Variants in IQSEC1 observed in about 807,000 individuals in gnomAD.
IQSEC1 encodes the protein IQ motif and Sec7 domain ArfGEF 1.
A neutral mutation model predicts 91.0 loss-of-function variants in IQSEC1; 31 were observed. The observed-to-expected ratio is 0.34, with a 90% CI of 0.26 to 0.46. The LOEUF is 0.46. IQSEC1 is among the 20% of genes least tolerant of loss of function. The pLI is 1.00. For synonymous variants in IQSEC1, 699 were observed against 662.6 expected (o/e 1.05, Z -0.84); for missense variants, 1,388 against 1,575.6 (o/e 0.88, Z 2.02).
At chr3:12,949,929 C>T (rs1262466662) in intron 1 of IQSEC1, among the ~76,000 whole-genome samples, 2 of 152,154 alleles carry the variant, frequency 1.3e-5, no homozygotes, top group South Asian at 2.1e-4. Context: ...CAGTTTTGAA[C>T]AGTTCAGCAA....
intron 1 of IQSEC1, among the ~76,000 whole-genome samples, chr3:13,223,961 GGAGCCAGGCTCT>G (rs1455400776): frequency 2.0e-5 from 3 of 152,110 alleles, no homozygotes; most frequent in Non-Finnish European, 4.4e-5. Context: ...GCAGTGCCTC[GGAGCCAGGCTCT>G]GAGCCAGGGG....
At chr3:13,115,055 G>C (rs943866682) in intron 2 of IQSEC1, among the ~76,000 whole-genome samples, 1 of 152,174 alleles carries the variant, frequency 6.6e-6, no homozygotes, top group African/African-American at 2.4e-5. Context: ...GTGGGGGCTG[G>C]AAGCTCAGGT....
rs1423133848 is a variant in IQSEC1, at chr3:13,211,249, G to T, written c.273-47116C>A. Among the ~76,000 whole-genome samples the T allele has an allele frequency of 6.6e-6, 1 of 152,168 alleles. No individual in the cohort carries two copies. Among genetic ancestry groups the T allele is most frequent in the Non-Finnish European group, 1.5e-5 (1 of 68,022 alleles). On this transcript the variant is annotated intron_variant, in intron 1 of 15. Transcript: ENST00000648114. The surrounding 1 kb of genome is among the most constrained non-coding windows in gnomAD (Gnocchi z 5.3). ...CTGCTTTCACACCTGTGATGACGGG[G>T]GTCTCACCACCTCCTCGACAGCAAT...
chr3:13,060,613 C>T (rs966330242), intron 1 of IQSEC1, among the ~76,000 whole-genome samples: 4 of 152,204 alleles, frequency 2.6e-5, no homozygotes, highest in South Asian at 2.1e-4. Context: ...GGCTGGATGA[C>T]GGGCCTAGGG....
chr3:13,194,248 G>A (rs547889519), intron 1 of IQSEC1, among the ~76,000 whole-genome samples: 12 of 152,310 alleles, frequency 7.9e-5, no homozygotes, highest in Admixed American at 3.3e-4. Flanking sequence ...GTTGGAATGA[G>A]TCAGTGGGGG....
intron 1 of IQSEC1, among the ~76,000 whole-genome samples, chr3:13,164,875 G>C (rs1207455375): frequency 6.6e-6 from 1 of 152,210 alleles, no homozygotes; most frequent in Non-Finnish European, 1.5e-5. Flanking sequence ...TCTAATCCCT[G>C]GATGTCCCAA....
intron 6 of IQSEC1, among the ~76,000 whole-genome samples, chr3:12,916,298 T>C (rs1696086205): frequency 1.3e-5 from 2 of 152,200 alleles, no homozygotes; most frequent in African/African-American, 2.4e-5. Flanking sequence ...GCTCTGCATC[T>C]GAGCGGTGGG....
chr3:12,953,876 G>A (rs968522891), intron 1 of IQSEC1, among the ~76,000 whole-genome samples: 1 of 152,190 alleles, frequency 6.6e-6, no homozygotes, highest in Admixed American at 6.5e-5. Flanking sequence ...GGGCAAGGCC[G>A]CCCCTTCACA....
intron 1 of IQSEC1, among the ~76,000 whole-genome samples, chr3:13,215,262 C>G (rs1212815417): frequency 1.3e-5 from 2 of 151,720 alleles, no homozygotes; most frequent in Non-Finnish European, 2.9e-5. Context: ...GACCAGAGGC[C>G]TTGCCCAGAG....
At chr3:13,034,186 C>T (rs750571752) in intron 1 of IQSEC1, among the ~76,000 whole-genome samples, 32 of 152,166 alleles carry the variant, frequency 2.1e-4, no homozygotes, top group Admixed American at 1.4e-3. Context: ...CTTGCAACCA[C>T]TCAGGCCCAG....
At chr3:13,131,036 GA>G (rs374372422) in intron 2 of IQSEC1, among the ~76,000 whole-genome samples, 138 of 78,620 alleles carry the variant, frequency 1.8e-3, no homozygotes, top group African/African-American at 0.011. Flanking sequence ...AGGAAGGAAG[GA>G]AAGGAAGGAA....
chr3:13,007,994 T>C (rs1403057669), intron 1 of IQSEC1, among the ~76,000 whole-genome samples: 9 of 152,198 alleles, frequency 5.9e-5, no homozygotes, highest in African/African-American at 2.2e-4. Context: ...TCTGACCTTC[T>C]AAGCCTGCAC....
At chr3:13,131,771 A>T (rs1344814085) in intron 2 of IQSEC1, among the ~76,000 whole-genome samples, 1 of 152,126 alleles carries the variant, frequency 6.6e-6, no homozygotes, top group Non-Finnish European at 1.5e-5. Flanking sequence ...ATAGGTGTGC[A>T]CTGCAGCCAG....
chr3:13,128,922 G>C (rs571361849), intron 2 of IQSEC1, among the ~76,000 whole-genome samples: 1 of 151,174 alleles, frequency 6.6e-6, no homozygotes, highest in South Asian at 2.1e-4. Context: ...AGGTTAATGA[G>C]GAATTCAAGT....
At chr3:12,931,222 G>A (rs1290041818) in intron 3 of IQSEC1, among the ~76,000 whole-genome samples, 1 of 152,150 alleles carries the variant, frequency 6.6e-6, no homozygotes, top group Non-Finnish European at 1.5e-5. Context: ...ATCCTGGGCT[G>A]CGGGTAGCAT....
intron 1 of IQSEC1, among the ~76,000 whole-genome samples, chr3:13,213,034 G>A (rs1420371691): frequency 1.3e-5 from 2 of 152,106 alleles, no homozygotes; most frequent in Non-Finnish European, 2.9e-5. Context: ...ATTCTTTGAA[G>A]CATAAACGTT....
At chr3:13,024,523 C>T (rs1703538293) in intron 1 of IQSEC1, among the ~76,000 whole-genome samples, 1 of 151,094 alleles carries the variant, frequency 6.6e-6, no homozygotes, top group African/African-American at 2.4e-5. Context: ...CATACGTTGT[C>T]TGCATATCAT....
At chr3:13,110,561 C>T (rs956664336) in intron 2 of IQSEC1, among the ~76,000 whole-genome samples, 11 of 152,316 alleles carry the variant, frequency 7.2e-5, no homozygotes, top group Middle Eastern at 3.4e-3. Context: ...TGCACTCCAG[C>T]CTGGCAACAG....
At chr3:13,213,331 G>A (rs555471715) in intron 1 of IQSEC1, among the ~76,000 whole-genome samples, 2 of 152,324 alleles carry the variant, frequency 1.3e-5, no homozygotes, top group South Asian at 2.1e-4. Context: ...GGCCCCCTGT[G>A]TATGGGTTGA....
Sources: gnomAD v4.1 joint callset for allele counts (sites outside exome capture counted in the v4.1 genomes callset) on GRCh38, gnomAD v4.1.1 for gene constraint, Gnocchi (gnomAD v3.1) non-coding constraint, MANE v1.5 for transcripts, NCBI Gene and HGNC (gene_info 2026-07-23, HGNC 2026-07-21) for gene names.